The following AUTS2 variants were observed in gnomAD, a reference collection of about 807,000 sequenced individuals.
AUTS2 encodes autism susceptibility gene 2 protein.
A neutral mutation model predicts 112.4 loss-of-function variants in AUTS2; 17 were observed. The observed-to-expected ratio is 0.15, with a 90% confidence interval of 0.10 to 0.23. The LOEUF is 0.23. Among genes scored for constraint, AUTS2 ranks in the 10% least tolerant of loss-of-function variants. The pLI, the probability that AUTS2 is intolerant of heterozygous loss-of-function variation, is 1.00. For missense variants in AUTS2, 1,510 were observed against 1,701.6 expected (o/e 0.89, Z 1.98); for synonymous variants, 751 against 702.7 (o/e 1.07, Z -1.09).
At chr7:70,785,739 G>T (rs146479801) in intron 16 of AUTS2, among the ~76,000 whole-genome samples, 1 of 152,218 alleles carries the variant, frequency 6.6e-6, no homozygotes, top group African/African-American at 2.4e-5. Context: ...AAAATACACA[G>T]TTGTAGAAGA....
chr7:70,439,305 C>G (rs1796024370), intron 5 of AUTS2, among the ~76,000 whole-genome samples: 2 of 152,048 alleles, frequency 1.3e-5, no homozygotes, highest in Admixed American at 6.6e-5. Context: ...TTTGGGAGGC[C>G]AAGGCGGGGA....
intron 4 of AUTS2, among the ~76,000 whole-genome samples, chr7:70,212,625 A>G (rs1810966292): frequency 6.6e-6 from 1 of 152,062 alleles, no homozygotes; most frequent in Admixed American, 6.6e-5. Context: ...TTAAAAAAAA[A>G]TCTCTGGATT....
intron 2 of AUTS2, among the ~76,000 whole-genome samples, chr7:70,067,511 A>G (rs1484058203): frequency 6.6e-6 from 1 of 152,174 alleles, no homozygotes; most frequent in Non-Finnish European, 1.5e-5. Flanking sequence ...TTGATCCATT[A>G]ATTCTTTGTC....
chr7:70,300,114 A>C (rs1390421681), intron 4 of AUTS2, among the ~76,000 whole-genome samples: 1 of 152,192 alleles, frequency 6.6e-6, no homozygotes, highest in Non-Finnish European at 1.5e-5. Flanking sequence ...GTAAAACATA[A>C]GAGGCAGCTG....
chr7:70,219,292 T>C (rs1257678343), intron 4 of AUTS2, among the ~76,000 whole-genome samples: 1 of 152,240 alleles, frequency 6.6e-6, no homozygotes, highest in Non-Finnish European at 1.5e-5. Flanking sequence ...CAAGTGGCCC[T>C]CTGCCATGAT....
chr7:69,810,841 T>G (rs1477703247), intron 1 of AUTS2, among the ~76,000 whole-genome samples: 1 of 152,200 alleles, frequency 6.6e-6, no homozygotes, highest in East Asian at 1.9e-4. Flanking sequence ...TTTTGAGAGC[T>G]TTTTAAAGAC....
At chr7:70,302,787 G>A (rs1303409727) in intron 4 of AUTS2, among the ~76,000 whole-genome samples, 2 of 151,970 alleles carry the variant, frequency 1.3e-5, no homozygotes, top group Non-Finnish European at 2.9e-5. Flanking sequence ...TCTATCTGCT[G>A]CCCACCTTTT....
chr7:70,510,214 C>T (rs1285237854), intron 5 of AUTS2, among the ~76,000 whole-genome samples: 1 of 152,222 alleles, frequency 6.6e-6, no homozygotes, highest in Non-Finnish European at 1.5e-5. Flanking sequence ...CCACAGCTTC[C>T]TCTGCTTCTC....
At chr7:69,653,263 C>T (rs1795373735) in intron 1 of AUTS2, among the ~76,000 whole-genome samples, 1 of 152,176 alleles carries the variant, frequency 6.6e-6, no homozygotes, top group Non-Finnish European at 1.5e-5. Flanking sequence ...TCTAATGGGG[C>T]AGCTCTGCAT....
intron 4 of AUTS2, among the ~76,000 whole-genome samples, chr7:70,154,104 T>C (rs531858864): frequency 1.9e-4 from 29 of 152,348 alleles, no homozygotes; most frequent in African/African-American, 6.7e-4. Flanking sequence ...TCCCAGTACT[T>C]CTTTAAAGCA....
chr7:70,539,275 GT>G (rs1800449123), intron 5 of AUTS2, among the ~76,000 whole-genome samples: 1 of 152,152 alleles, frequency 6.6e-6, no homozygotes, highest in African/African-American at 2.4e-5. Flanking sequence ...CCATGTTGTT[GT>G]TTGCCAGTTT....
In AUTS2 at chr7:70,788,285, G is replaced by A. The variant is rs139230185; in HGVS notation, c.2531+854G>A. Among the ~76,000 whole-genome samples, 730 of 151,876 alleles carry A rather than the reference G, an allele frequency of 4.8e-3. 6 individuals carry two copies. Among genetic ancestry groups the A allele is most frequent in the African/African-American group, 0.015 (625 of 41,316 alleles). On this transcript the variant is annotated intron_variant, in intron 18 of 18. Coordinates refer to ENST00000342771, the MANE Select transcript of AUTS2 (RefSeq NM_015570.4). ...CGAATCTTTAATGTTTCTTTTCTTT[G>A]TATACCGTGTATGTATGTGTGTGTG...
chr7:70,764,322 A>G (rs1344228326), intron 7 of AUTS2, among the ~76,000 whole-genome samples: 2 of 152,080 alleles, frequency 1.3e-5, no homozygotes, highest in African/African-American at 4.8e-5. Flanking sequence ...GTCTTCATTT[A>G]AGAGGTAACA....
At chr7:70,734,231 A>G (rs1170287367) in intron 6 of AUTS2, among the ~76,000 whole-genome samples, 1 of 152,014 alleles carries the variant, frequency 6.6e-6, no homozygotes, top group Non-Finnish European at 1.5e-5. Context: ...CGAGGTCAGG[A>G]GATCAAGACC....
intron 4 of AUTS2, among the ~76,000 whole-genome samples, chr7:70,303,055 CATTT>C (rs1789296435): frequency 6.6e-6 from 1 of 152,064 alleles, no homozygotes; most frequent in African/African-American, 2.4e-5. Flanking sequence ...AGGTTGCTCT[CATTT>C]AGGGTTGGAA....
chr7:70,562,112 C>G (rs1801513194), intron 5 of AUTS2, among the ~76,000 whole-genome samples: 1 of 152,192 alleles, frequency 6.6e-6, no homozygotes, highest in Non-Finnish European at 1.5e-5. Context: ...GAAGCCCTCA[C>G]CAGAAGCAGA....
intron 2 of AUTS2, among the ~76,000 whole-genome samples, chr7:70,086,138 A>G (rs908062890): frequency 6.6e-6 from 1 of 152,294 alleles, no homozygotes; most frequent in Non-Finnish European, 1.5e-5. Flanking sequence ...TGTTTTGGCT[A>G]TTCTTGGCCC....
intron 4 of AUTS2, among the ~76,000 whole-genome samples, chr7:70,297,693 C>G (rs1789010459): frequency 6.6e-6 from 1 of 152,108 alleles, no homozygotes; most frequent in Non-Finnish European, 1.5e-5. Flanking sequence ...CTCAGCCTCC[C>G]AAAGTGTTGG....
intron 2 of AUTS2, among the ~76,000 whole-genome samples, chr7:70,058,403 A>G (rs1422961892): frequency 6.6e-6 from 1 of 152,142 alleles, no homozygotes; most frequent in African/African-American, 2.4e-5. Context: ...ATTTCCCTGG[A>G]AAGTATGAAA....
Sources: allele counts gnomAD v4.1 joint callset (sites outside exome capture counted in the v4.1 genomes callset), GRCh38; gene constraint gnomAD v4.1.1; transcripts MANE v1.5; gene names NCBI Gene and HGNC (gene_info 2026-07-23, HGNC 2026-07-21).